Variants in NR2C2 observed in about 807,000 individuals in gnomAD.
NR2C2 encodes the protein nuclear receptor subfamily 2 group C member 2.
A neutral mutation model predicts 62.9 loss-of-function variants in NR2C2; 6 were observed. The ratio of observed to expected loss-of-function variants is 0.10; its 90% CI spans 0.05 to 0.19. NR2C2 has a LOEUF of 0.19. Among genes scored for constraint, NR2C2 ranks in the 10% least tolerant of loss-of-function variants. NR2C2 has a pLI of 1.00. For synonymous variants in NR2C2, 272 were observed against 273.8 expected (o/e 0.99, Z 0.07); for missense variants, 479 against 762.7 (o/e 0.63, Z 4.38).
intron 1 of NR2C2, chr3:14,962,388 T>C (rs2039711282): frequency 6.6e-6 from 1 of 152,604 alleles, no homozygotes; most frequent in Admixed American, 6.5e-5. Context: ...CTGATAGAGG[T>C]TGCTACATCT....
chr3:15,013,492 AG>A, intron 2 of NR2C2, 96 bp from the exon 3 acceptor site: 1 of 962,468 alleles, frequency 1.0e-6, no homozygotes, highest in East Asian at 2.6e-5. Flanking sequence ...CATTAATTCA[AG>A]GACTGGTTTT....
chr3:15,043,635 G>C lies in NR2C2; in HGVS notation c.*627G>C, dbSNP rs1325475924. On this transcript the variant is annotated 3_prime_UTR_variant, in exon 14 of 14. Transcript: ENST00000425241. ...GGAGTTGAGCTGAATTCTGTGAATG[G>C]AAACGTGGCTCATTTGCATCATGCA... The C allele has an allele frequency of 6.6e-6, 1 of 152,628 alleles. No individual in the cohort carries two copies. Among genetic ancestry groups the C allele is most frequent in the East Asian group, 1.9e-4 (1 of 5,200 alleles). The allele number at this position is 152,628 out of a possible 1,614,324, so 9.5% of individuals were successfully genotyped here.
At chr3:15,002,806 G>A (rs1385404745) in intron 1 of NR2C2, among the ~76,000 whole-genome samples, 1 of 150,790 alleles carries the variant, frequency 6.6e-6, no homozygotes, top group East Asian at 2.0e-4. Flanking sequence ...TTACAGGCAC[G>A]GGCCACCATG....
chr3:14,949,297 G>GC (rs2039269960), intron 1 of NR2C2, among the ~76,000 whole-genome samples: 1 of 152,190 alleles, frequency 6.6e-6, no homozygotes, highest in Non-Finnish European at 1.5e-5. Context: ...GGTCAGGGTG[G>GC]CCTCTCTGAG....
At chr3:15,023,439 C>A in intron 6 of NR2C2, 92 bp downstream of exon 6, 1 of 1,400,256 alleles carries the variant, frequency 7.1e-7, no homozygotes, top group Non-Finnish European at 9.9e-7. Context: ...GGCTTCCCAC[C>A]CATCTGCCAT....
intron 1 of NR2C2, among the ~76,000 whole-genome samples, chr3:14,995,279 C>T (rs2040799705): frequency 6.8e-6 from 1 of 147,494 alleles, no homozygotes; most frequent in Non-Finnish European, 1.5e-5. Flanking sequence ...ATTGTGCAGC[C>T]ATCGCTAATA....
chr3:15,024,259 G>A lies in NR2C2; in HGVS notation c.798+51G>A, dbSNP rs757807162. On this transcript the variant is annotated intron_variant, in intron 7 of 13. Coordinates refer to ENST00000425241, the MANE Select transcript of NR2C2 (RefSeq NM_001291694.2). ...CTCATCCTTTATGTTGACATTGCAG[G>A]CTGCTTCTCTAACTGTGTGCACCAC... 6.2e-6 allele frequency: 8 copies of A among 1,298,046 alleles called. No individual in the cohort carries two copies. The South Asian group carries it at 1.1e-4, about 17-fold the overall frequency. 80.4% of individuals were successfully genotyped at this position (1,298,046 alleles called of 1,614,324 possible).
At chr3:15,035,128 C>T (rs2125074189) in intron 11 of NR2C2, among the ~76,000 whole-genome samples, 1 of 152,214 alleles carries the variant, frequency 6.6e-6, no homozygotes, top group East Asian at 1.9e-4. Flanking sequence ...CTTGTCTTTA[C>T]AAAAAGTACA....
chr3:14,972,262 C>T (rs2040067034), intron 1 of NR2C2, among the ~76,000 whole-genome samples: 2 of 151,312 alleles, frequency 1.3e-5, no homozygotes, highest in Admixed American at 1.3e-4. Context: ...GTAACCTCCG[C>T]CTCCTGGGTT....
At chr3:14,997,242 T>C (rs2040859738) in intron 1 of NR2C2, among the ~76,000 whole-genome samples, 1 of 149,138 alleles carries the variant, frequency 6.7e-6, no homozygotes, top group Admixed American at 6.7e-5. Flanking sequence ...CTAGGGGCAA[T>C]AGGCCATACC....
chr3:14,973,141 GTTTAA>G, intron 1 of NR2C2, among the ~76,000 whole-genome samples: 1 of 152,168 alleles, frequency 6.6e-6, no homozygotes, highest in African/African-American at 2.4e-5. Context: ...TTTTGATGAA[GTTTAA>G]TTTATGTTCT....
At position 15,048,326 on chromosome 3, in the gene NR2C2, C is replaced by T. The variant is rs765788262; in HGVS notation, c.*5318C>T. On this transcript the variant is annotated 3_prime_UTR_variant, in exon 14 of 14. Coordinates refer to ENST00000425241, the MANE Select transcript of NR2C2 (RefSeq NM_001291694.2). ...TGAAAGTGGCTTTCTAGTTAAAATG[C>T]AATTGGAAACTTGACAGTCTCTAAA... The T allele has an allele frequency of 7.9e-5, 12 of 152,588 alleles. No homozygotes were observed. The highest frequency in any genetic ancestry group is 8.8e-5 in the Non-Finnish European group (6 of 68,038). The allele number at this position is 152,588 out of a possible 1,614,324, so 9.5% of individuals were successfully genotyped here. A position where few individuals can be genotyped will look rare whatever the true frequency, so the allele number is the denominator to read the frequency against.
intron 2 of NR2C2, among the ~76,000 whole-genome samples, chr3:15,007,106 A>C (rs1216634869): frequency 1.4e-5 from 2 of 143,440 alleles, no homozygotes; most frequent in Middle Eastern, 5.1e-3. Context: ...TCACCTTGTC[A>C]CAGAGGTTTT....
chr3:14,981,236 G>A (rs56001610), intron 1 of NR2C2, among the ~76,000 whole-genome samples: 10,935 of 152,238 alleles, frequency 0.072, 431 homozygotes, highest in Middle Eastern at 0.099. Flanking sequence ...GGAGGCTGAG[G>A]CAGACGGATA....
At chr3:15,011,002 AT>A (rs751401953) in intron 2 of NR2C2, among the ~76,000 whole-genome samples, 11 of 152,190 alleles carry the variant, frequency 7.2e-5, no homozygotes, top group Non-Finnish European at 1.5e-4. Context: ...CATAACTGTC[AT>A]TTCTTAACAG....
intron 1 of NR2C2, among the ~76,000 whole-genome samples, chr3:14,953,187 T>C (rs2039420352): frequency 1.3e-5 from 2 of 152,190 alleles, no homozygotes; most frequent in Non-Finnish European, 2.9e-5. Context: ...GTGTGATTTT[T>C]TAGGGGCAAT....
chr3:14,959,883 C>T (rs2039643206), intron 1 of NR2C2, among the ~76,000 whole-genome samples: 1 of 152,096 alleles, frequency 6.6e-6, no homozygotes, highest in African/African-American at 2.4e-5. Context: ...ATAGGAAAAA[C>T]AGATATGGCA....
At chr3:15,023,402 G>C in intron 6 of NR2C2, 55 bp downstream of exon 6, 14 of 1,595,172 alleles carry the variant, frequency 8.8e-6, no homozygotes, top group Non-Finnish European at 1.1e-5. Flanking sequence ...AGGAGGCACA[G>C]ACGTGTCCCA....
intron 1 of NR2C2, among the ~76,000 whole-genome samples, chr3:14,998,826 C>T (rs957572824): frequency 7.2e-5 from 11 of 152,038 alleles, no homozygotes; most frequent in Non-Finnish European, 1.5e-4. Flanking sequence ...GCCTGGGCAA[C>T]ATAGGGAGAC....
Sources: gnomAD v4.1 joint callset for allele counts (sites outside exome capture counted in the v4.1 genomes callset) on GRCh38, gnomAD v4.1.1 for gene constraint, MANE v1.5 for transcripts, NCBI Gene and HGNC (gene_info 2026-07-23, HGNC 2026-07-21) for gene names.